CORO7: variants seen among roughly 807,000 people sequenced by gnomAD.
CORO7 encodes the protein coronin-7.
A neutral mutation model predicts 126.6 loss-of-function variants in CORO7; 107 were observed. The ratio of observed to expected loss-of-function variants is 0.85; its 90% confidence interval spans 0.72 to 0.99. The LOEUF (loss-of-function observed/expected upper bound fraction) is 0.99, where lower values mean the gene tolerates loss of function less well. Ranked by LOEUF, CORO7 falls within the 50% of genes least tolerant of loss-of-function variation. The pLI, the probability that CORO7 is intolerant of heterozygous loss-of-function variation, is 0.00. For missense variants in CORO7, 1,314 were observed against 1,255.8 expected (o/e 1.05, Z -0.70); for synonymous variants, 603 against 536.8 (o/e 1.12, Z -1.70).
Position 4,362,762 on chromosome 16 carries a change from C to T in CORO7, c.1276-24G>A, listed in dbSNP as rs778910788. ...TCCTGGGGAGGGGCATGGGGTCAGC[C>T]AGCCTGCTCCTAGGTGTACTGGCCA... On this transcript the variant is annotated intron_variant, in intron 14 of 27. Transcript: ENST00000251166. The surrounding 1 kb of genome is among the most constrained non-coding windows in gnomAD (Gnocchi z 5.3). The T allele has an allele frequency of 7.4e-7, 1 of 1,356,422 alleles. No homozygotes were observed. Among genetic ancestry groups the T allele is most frequent in the East Asian group, 3.0e-5 (1 of 33,726 alleles). 84.0% of individuals were successfully genotyped at this position (1,356,422 alleles called of 1,614,324 possible).
chr16:4,413,170 G>T, intron 2 of CORO7, 138 bp downstream of exon 2: 1 of 830,596 alleles, frequency 1.2e-6, no homozygotes, highest in Non-Finnish European at 1.8e-6. Context: ...GTCTGGCATG[G>T]GGCTCACCTC....
chr16:4,378,591 C>T (rs1245497576), intron 9 of CORO7, among the ~76,000 whole-genome samples: 12 of 152,116 alleles, frequency 7.9e-5, no homozygotes, highest in Non-Finnish European at 1.3e-4. Flanking sequence ...AGGGGTGTGG[C>T]CCCAGGGCCT....
intron 13 of CORO7, 87 bp from the exon 14 acceptor site, chr16:4,364,500 G>T: frequency 6.7e-7 from 1 of 1,489,978 alleles, no homozygotes; most frequent in East Asian, 2.5e-5. Context: ...GGTAGGGATG[G>T]GGGGCACCCA....
At chr16:4,388,715 T>C in intron 7 of CORO7, 84 bp from the exon 8 acceptor site, 1 of 1,422,946 alleles carries the variant, frequency 7.0e-7, no homozygotes. Flanking sequence ...GCTGGGGAAC[T>C]TCTGCTGCCC....
rs749471508 is a variant in CORO7, at chr16:4,381,046, C to A, written c.785+6940G>T. The A allele has an allele frequency of 9.3e-6, 15 of 1,610,646 alleles. No individual in the cohort carries two copies. In the South Asian group the frequency reaches 1.4e-4, roughly 15 times the overall value. On this transcript the variant is annotated intron_variant, in intron 9 of 27. Coordinates refer to ENST00000251166, the MANE Select transcript of CORO7 (RefSeq NM_024535.5). ...AGACGTGCCACCCGACACGGTGGGG[C>A]TGTACGTCTTTGAGAACGGCATCAC... is the stretch of plus-strand genomic sequence containing the variant.
At chr16:4,380,126 G>T (rs963090639) in intron 9 of CORO7, among the ~76,000 whole-genome samples, 1 of 151,018 alleles carries the variant, frequency 6.6e-6, no homozygotes, top group Admixed American at 6.6e-5. Flanking sequence ...TGCCCCTGGG[G>T]CTGCCATGTA....
At chr16:4,403,928 T>C (rs1166970330) in intron 6 of CORO7, among the ~76,000 whole-genome samples, 3 of 152,154 alleles carry the variant, frequency 2.0e-5, no homozygotes, top group Non-Finnish European at 4.4e-5. Flanking sequence ...GAGCTCACTC[T>C]GCCTGGGAAG....
intron 6 of CORO7, among the ~76,000 whole-genome samples, chr16:4,398,904 G>A (rs2055700148): frequency 6.6e-6 from 1 of 151,198 alleles, no homozygotes; most frequent in Non-Finnish European, 1.5e-5. Context: ...GGAGGCGGGG[G>A]TTGCAGTGAG....
chr16:4,384,963 C>T (rs2055142121), intron 9 of CORO7, among the ~76,000 whole-genome samples: 1 of 149,062 alleles, frequency 6.7e-6, no homozygotes, highest in Non-Finnish European at 1.5e-5. Context: ...GGGATGGTGG[C>T]AGGGGGCAGT....
At chr16:4,374,626 G>A (rs1279489325) in intron 9 of CORO7, among the ~76,000 whole-genome samples, 5 of 152,152 alleles carry the variant, frequency 3.3e-5, no homozygotes, top group African/African-American at 4.8e-5. Flanking sequence ...AGAGCAGTGC[G>A]GGGGCAGGGT....
intron 7 of CORO7, among the ~76,000 whole-genome samples, chr16:4,393,097 G>C (rs1029158841): frequency 6.6e-6 from 1 of 152,226 alleles, no homozygotes; most frequent in African/African-American, 2.4e-5. Flanking sequence ...GGGCGGAGGA[G>C]GGGAGAATAG....
chr16:4,360,775 C>T (rs1484777428), intron 19 of CORO7, among the ~76,000 whole-genome samples, 168 bp downstream of exon 19: 30 of 147,206 alleles, frequency 2.0e-4, no homozygotes, highest in African/African-American at 6.8e-4. Flanking sequence ...GGCCCTGCCC[C>T]TCCTCACCAC....
At chr16:4,380,143 G>A (rs933510944) in intron 9 of CORO7, among the ~76,000 whole-genome samples, 1 of 151,488 alleles carries the variant, frequency 6.6e-6, no homozygotes, top group Non-Finnish European at 1.5e-5. Context: ...TGTAGCCAGT[G>A]TCCCCACCTG....
intron 14 of CORO7, among the ~76,000 whole-genome samples, chr16:4,363,855 C>T (rs967129233): frequency 6.6e-6 from 1 of 150,604 alleles, no homozygotes; most frequent in African/African-American, 2.5e-5. Context: ...CCCATGTCTA[C>T]TAAAAATACA....
At chr16:4,409,193 G>T (rs2056114237) in intron 3 of CORO7, among the ~76,000 whole-genome samples, 1 of 152,204 alleles carries the variant, frequency 6.6e-6, no homozygotes, top group African/African-American at 2.4e-5. Flanking sequence ...GGGCTGAGCA[G>T]GACTGTCTTC....
At chr16:4,365,658 T>A in intron 9 of CORO7, 113 bp from the exon 10 acceptor site, 1 of 1,392,892 alleles carries the variant, frequency 7.2e-7, no homozygotes, top group Middle Eastern at 2.4e-4. Context: ...CGCTTGGCCA[T>A]CCAGCCATGT....
intron 7 of CORO7, among the ~76,000 whole-genome samples, chr16:4,389,825 C>T (rs936969574): frequency 2.0e-5 from 3 of 152,204 alleles, no homozygotes; most frequent in African/African-American, 4.8e-5. Flanking sequence ...CAAATATCTG[C>T]GTGTGTGCAG....
intron 6 of CORO7, among the ~76,000 whole-genome samples, chr16:4,396,784 G>A (rs1157037776): frequency 6.6e-6 from 1 of 152,040 alleles, no homozygotes; most frequent in Non-Finnish European, 1.5e-5. Flanking sequence ...GCGAGGCTGA[G>A]GTGGGTGGAT....
rs538917848 is a variant in CORO7, at chr16:4,396,280, A to G, written c.565-941T>C. On this transcript the variant is annotated intron_variant, in intron 6 of 27. Transcript: ENST00000251166. ...TTTTTGGTAGAGACGGGGTTTCACCATGTTGGCAGGCCGGTCTCAAACTCC... is the reference window on the plus strand; with the variant it reads ...TTTTTGGTAGAGACGGGGTTTCACCGTGTTGGCAGGCCGGTCTCAAACTCC... Among the ~76,000 whole-genome samples, 4 of 152,218 alleles carry G rather than the reference A, an allele frequency of 2.6e-5. 1 individual carries two copies. The South Asian group carries it at 8.3e-4, about 32-fold the overall frequency.
Sources: gnomAD v4.1 joint callset for allele counts (sites outside exome capture counted in the v4.1 genomes callset) on GRCh38, gnomAD v4.1.1 for gene constraint, Gnocchi (gnomAD v3.1) non-coding constraint, MANE v1.5 for transcripts, NCBI Gene and HGNC (gene_info 2026-07-23, HGNC 2026-07-21) for gene names.